WWOX: variants seen among roughly 807,000 people sequenced by gnomAD.
WWOX encodes WW domain-containing oxidoreductase.
A neutral mutation model predicts 46.2 loss-of-function variants in WWOX; 69 were observed. The observed-to-expected ratio is 1.49, with a 90% CI of 1.23 to 1.82. The LOEUF is 1.82. Among genes scored for constraint, WWOX ranks in the 40% most tolerant of loss-of-function variants. The pLI, the probability that WWOX is intolerant of heterozygous loss-of-function variation, is 0.00. For missense variants in WWOX, 919 were observed against 542.6 expected (o/e 1.69, Z -6.89); for synonymous variants, 359 against 202.6 (o/e 1.77, Z -6.56).
intron 8 of WWOX, among the ~76,000 whole-genome samples, chr16:78,565,406 T>C (rs2044540999): frequency 6.6e-6 from 1 of 152,168 alleles, no homozygotes; most frequent in South Asian, 2.1e-4. Flanking sequence ...CCTCCTGCAT[T>C]CCTTGGCTCT....
chr16:78,156,800 T>G (rs949978915), intron 4 of WWOX, among the ~76,000 whole-genome samples: 8 of 152,166 alleles, frequency 5.3e-5, no homozygotes, highest in African/African-American at 1.9e-4. Flanking sequence ...GGCACGCGCC[T>G]GTAATCCCAG....
At chr16:78,715,697 G>A (rs917607623) in intron 8 of WWOX, among the ~76,000 whole-genome samples, 1 of 152,086 alleles carries the variant, frequency 6.6e-6, no homozygotes, top group African/African-American at 2.4e-5. Flanking sequence ...GGCTGGTCTC[G>A]AACTCCTGAC....
At chr16:78,704,068 C>A (rs951600542) in intron 8 of WWOX, among the ~76,000 whole-genome samples, 11 of 152,166 alleles carry the variant, frequency 7.2e-5, no homozygotes, top group Admixed American at 5.2e-4. Context: ...AATCTCCCAG[C>A]CATCTGTTTC....
chr16:78,295,198 C>G (rs2079924482), intron 5 of WWOX, among the ~76,000 whole-genome samples: 2 of 152,120 alleles, frequency 1.3e-5, no homozygotes, highest in Non-Finnish European at 1.5e-5. Context: ...CATCTACAAC[C>G]CTGCAGATCA....
intron 8 of WWOX, chr16:78,891,707 C>G (rs571166655): frequency 6.6e-6 from 1 of 152,128 alleles, no homozygotes; most frequent in Non-Finnish European, 1.5e-5. Flanking sequence ...TCCTTCTTTT[C>G]TAAATTGGTC....
intron 5 of WWOX, among the ~76,000 whole-genome samples, chr16:78,237,006 G>A (rs1274640286): frequency 6.6e-6 from 1 of 150,562 alleles, no homozygotes; most frequent in Non-Finnish European, 1.5e-5. Context: ...CCCAGGAGGC[G>A]GAGGTTGCAG....
At chr16:78,105,862 C>T (rs1230449013) in intron 1 of WWOX, among the ~76,000 whole-genome samples, 3 of 152,020 alleles carry the variant, frequency 2.0e-5, no homozygotes, top group South Asian at 2.1e-4. Context: ...ACTGCAGTGG[C>T]GTGATTTTGG....
chr16:78,582,076 G>A (rs2045070349), intron 8 of WWOX, among the ~76,000 whole-genome samples: 1 of 152,204 alleles, frequency 6.6e-6, no homozygotes. Flanking sequence ...GCTGGGTGCA[G>A]AAGCATCTTT....
chr16:78,193,003 G>A (rs11150049), intron 5 of WWOX, among the ~76,000 whole-genome samples: 29,809 of 152,208 alleles, frequency 0.2, 3,253 homozygotes, highest in South Asian at 0.37. Flanking sequence ...AGGGTTGGCC[G>A]TGGCTCCACA....
chr16:78,378,185 G>A (rs7205327), intron 5 of WWOX, among the ~76,000 whole-genome samples: 118,143 of 151,912 alleles, frequency 0.78, 46,896 homozygotes, highest in African/African-American at 0.84. Flanking sequence ...GTGGTTCTGT[G>A]TTTTAAAATG....
intron 5 of WWOX, among the ~76,000 whole-genome samples, chr16:78,309,192 G>A (rs905284204): frequency 6.6e-6 from 1 of 152,158 alleles, no homozygotes; most frequent in African/African-American, 2.4e-5. Context: ...GAGACCAGGT[G>A]GATGTAATTG....
chr16:78,460,001 T>C (rs1043733130), intron 8 of WWOX, among the ~76,000 whole-genome samples: 1 of 150,358 alleles, frequency 6.7e-6, no homozygotes, highest in African/African-American at 2.4e-5. Context: ...AGTTGGGTTT[T>C]TCACCATGTT....
chr16:79,107,944 ATAAAAT>A (rs1379497684), intron 8 of WWOX, among the ~76,000 whole-genome samples: 12 of 152,244 alleles, frequency 7.9e-5, no homozygotes, highest in African/African-American at 2.9e-4. Context: ...TCGTCATAGA[ATAAAAT>A]TAAGTGAAAA....
At chr16:78,809,162 A>G (rs1009700357) in intron 8 of WWOX, among the ~76,000 whole-genome samples, 10 of 152,054 alleles carry the variant, frequency 6.6e-5, no homozygotes, top group African/African-American at 2.2e-4. Context: ...ATCTCAAGTC[A>G]TAGGAGAACT....
At chr16:78,155,178 T>C (rs1334625891) in intron 4 of WWOX, among the ~76,000 whole-genome samples, 1 of 146,374 alleles carries the variant, frequency 6.8e-6, no homozygotes, top group Non-Finnish European at 1.5e-5. Flanking sequence ...GGAAGAGAGG[T>C]TGGAAGGGAG....
chr16:78,570,421 G>A (rs1161257187), intron 8 of WWOX, among the ~76,000 whole-genome samples: 1 of 152,108 alleles, frequency 6.6e-6, no homozygotes, highest in African/African-American at 2.4e-5. Flanking sequence ...CGATCCTCAT[G>A]CCTTAGTCTC....
chr16:78,923,549 A>G (rs2045428203), intron 8 of WWOX, among the ~76,000 whole-genome samples: 1 of 152,086 alleles, frequency 6.6e-6, no homozygotes, highest in African/African-American at 2.4e-5. Context: ...TACATACATA[A>G]TATATATAAA....
At chr16:79,190,833 C>T (rs141075231) in intron 8 of WWOX, among the ~76,000 whole-genome samples, 2 of 152,250 alleles carry the variant, frequency 1.3e-5, no homozygotes, top group Admixed American at 6.5e-5. Context: ...AAATGTAGAG[C>T]CTGCAAAGTC....
At chr16:78,719,498 G>A (rs1224626808) in intron 8 of WWOX, among the ~76,000 whole-genome samples, 4 of 152,342 alleles carry the variant, frequency 2.6e-5, no homozygotes, top group African/African-American at 9.6e-5. Flanking sequence ...GGAAGGAGGA[G>A]TGTCTAGATG....
Sources: allele counts gnomAD v4.1 joint callset (sites outside exome capture counted in the v4.1 genomes callset), GRCh38; gene constraint gnomAD v4.1.1; transcripts MANE v1.5; gene names NCBI Gene and HGNC (gene_info 2026-07-23, HGNC 2026-07-21).